The following NIBAN1 variants were observed in gnomAD, a reference collection of about 807,000 sequenced individuals.
NIBAN1 encodes protein Niban 1.
In NIBAN1, 81 loss-of-function variants were observed where a neutral mutation model predicts 75.1. The observed-to-expected ratio is 1.08, with a 90% CI of 0.90 to 1.30. NIBAN1 has a LOEUF of 1.30. NIBAN1 is among the 50% of genes most tolerant of loss of function. The pLI is 0.00. For missense variants in NIBAN1, 1,133 were observed against 1,128.1 expected, an observed-to-expected ratio of 1.00 and a Z score of -0.06; for synonymous variants, 436 against 424.8, an observed-to-expected ratio of 1.03 and a Z score of -0.32.
chr1:184,921,689 G>A (rs1657559312), intron 1 of NIBAN1, among the ~76,000 whole-genome samples: 1 of 152,178 alleles, frequency 6.6e-6, no homozygotes, highest in Admixed American at 6.5e-5. Context: ...CAAGGCAAAT[G>A]GGTGGCCATC....
chr1:184,839,817 GA>G (rs1655236416), intron 5 of NIBAN1, among the ~76,000 whole-genome samples: 1 of 151,964 alleles, frequency 6.6e-6, no homozygotes, highest in Non-Finnish European at 1.5e-5. Context: ...GGCTGGTCTC[GA>G]ACTCCTGACC....
At chr1:184,910,747 T>C (rs891528979) in intron 1 of NIBAN1, among the ~76,000 whole-genome samples, 1 of 152,110 alleles carries the variant, frequency 6.6e-6, no homozygotes, top group Admixed American at 6.6e-5. Context: ...CAGGAAGAGA[T>C]TAACTTTTGA....
At chr1:184,926,301 A>T (rs1330517210) in intron 1 of NIBAN1, among the ~76,000 whole-genome samples, 1 of 152,080 alleles carries the variant, frequency 6.6e-6, no homozygotes, top group Non-Finnish European at 1.5e-5. Context: ...GCAGTGGTGC[A>T]ATCTCTGCTC....
intron 12 of NIBAN1, among the ~76,000 whole-genome samples, chr1:184,798,738 A>G (rs1304171432): frequency 6.6e-6 from 1 of 152,128 alleles, no homozygotes; most frequent in Non-Finnish European, 1.5e-5. Flanking sequence ...GAACATTTCC[A>G]TCACCCCCAA....
chr1:184,842,379 T>C (rs548037456), intron 5 of NIBAN1, among the ~76,000 whole-genome samples: 10 of 152,332 alleles, frequency 6.6e-5, no homozygotes, highest in African/African-American at 2.4e-4. Flanking sequence ...CCCGAGGTGA[T>C]GCTGATGCTA....
intron 8 of NIBAN1, among the ~76,000 whole-genome samples, chr1:184,820,762 T>G (rs1379474070): frequency 1.3e-5 from 2 of 152,250 alleles, no homozygotes; most frequent in African/African-American, 2.4e-5. Context: ...CAACTAGCTC[T>G]GGAATCTCAG....
At chr1:184,937,255 T>C (rs772875119) in intron 1 of NIBAN1, among the ~76,000 whole-genome samples, 1 of 150,858 alleles carries the variant, frequency 6.6e-6, no homozygotes, top group Non-Finnish European at 1.5e-5. Flanking sequence ...CTTTAACTTC[T>C]GGGTTCAAGC....
rs144917526 is a variant in NIBAN1, at chr1:184,962,636, C to G, written c.55+11666G>C. Reference sequence around the variant, plus strand: ...AAGAAACAGGATGAACCTAAAACATCTTGACATACCAGATGGCAAGGAAGC... The same window carrying G: ...AAGAAACAGGATGAACCTAAAACATGTTGACATACCAGATGGCAAGGAAGC... On this transcript the variant is annotated intron_variant, in intron 1 of 13. Coordinates refer to ENST00000367511, the MANE Select transcript of NIBAN1 (RefSeq NM_052966.4). Among the ~76,000 whole-genome samples the G allele has an allele frequency of 2.5e-3, 375 of 152,242 alleles. 3 individuals are homozygous for G. The highest frequency in any genetic ancestry group is 8.3e-3 in the African/African-American group (344 of 41,540).
At chr1:184,901,860 C>T (rs578129705) in intron 1 of NIBAN1, among the ~76,000 whole-genome samples, 5 of 152,184 alleles carry the variant, frequency 3.3e-5, no homozygotes, top group Non-Finnish European at 5.9e-5. Flanking sequence ...CACCAGGTAG[C>T]GCTTATAAAG....
chr1:184,872,422 T>C (rs928975743), intron 5 of NIBAN1, among the ~76,000 whole-genome samples: 1 of 151,970 alleles, frequency 6.6e-6, no homozygotes, highest in Admixed American at 6.6e-5. Context: ...AGTTAACAAG[T>C]AGGCTGGGCA....
intron 1 of NIBAN1, among the ~76,000 whole-genome samples, chr1:184,907,877 C>A (rs1015011340): frequency 2.0e-5 from 3 of 152,110 alleles, no homozygotes; most frequent in Non-Finnish European, 4.4e-5. Context: ...CTGTAGAAAT[C>A]CCACCTTGAG....
rs1379758233 is a variant in NIBAN1 at position 184,968,172 on chromosome 1, C to T, written c.55+6130G>A. 1.3e-3 allele frequency among the ~76,000 whole-genome samples: 12 copies of T among 8,944 alleles called. 2 individuals carry two copies. Among genetic ancestry groups the T allele is most frequent in the African/African-American group, 3.5e-3 (11 of 3,160 alleles). The allele number at this position is 8,944 out of a possible 152,430, so 5.9% of individuals were successfully genotyped here. On this transcript the variant is annotated intron_variant, in intron 1 of 13. Transcript: ENST00000367511. The stretch of plus-strand genomic sequence containing the variant: ...GAGCCGAGATTGCGCCACTGCAGTC[C>T]GCAGTCCGGCCTGGGCGACAGAGCG...
intron 8 of NIBAN1, among the ~76,000 whole-genome samples, chr1:184,819,041 T>C (rs879656817): frequency 2.0e-5 from 3 of 152,036 alleles, no homozygotes; most frequent in Admixed American, 2.0e-4. Flanking sequence ...ACCTATCCAC[T>C]CCCCAAGCTT....
chr1:184,922,931 A>T (rs1223251890), intron 1 of NIBAN1, among the ~76,000 whole-genome samples: 2 of 152,090 alleles, frequency 1.3e-5, no homozygotes, highest in African/African-American at 4.8e-5. Flanking sequence ...TTTCTTATAG[A>T]GTTGTTTAAG....
At chr1:184,911,747 T>C (rs969461180) in intron 1 of NIBAN1, among the ~76,000 whole-genome samples, 4 of 152,234 alleles carry the variant, frequency 2.6e-5, no homozygotes, top group Non-Finnish European at 4.4e-5. Flanking sequence ...TCCAACTTTA[T>C]ATGAGCCAAG....
chr1:184,831,782 C>T, intron 6 of NIBAN1, 65 bp downstream of exon 6: 3 of 1,134,136 alleles, frequency 2.6e-6, no homozygotes, highest in Non-Finnish European at 4.0e-6. Context: ...ATAAAATGAC[C>T]CTGACTTCGT....
At chr1:184,896,302 T>C (rs1280590617) in intron 2 of NIBAN1, among the ~76,000 whole-genome samples, 1 of 152,208 alleles carries the variant, frequency 6.6e-6, no homozygotes, top group Non-Finnish European at 1.5e-5. Flanking sequence ...ATTTCTCTGA[T>C]GATTGGTGAT....
chr1:184,809,594 G>T (rs1654309128), intron 9 of NIBAN1, among the ~76,000 whole-genome samples: 2 of 146,356 alleles, frequency 1.4e-5, no homozygotes, highest in African/African-American at 2.5e-5. Flanking sequence ...AATACATCAG[G>T]GTATATGTGT....
intron 5 of NIBAN1, among the ~76,000 whole-genome samples, chr1:184,872,712 T>TA (rs34664253): frequency 3.7e-4 from 52 of 139,742 alleles, no homozygotes; most frequent in African/African-American, 5.1e-4. Flanking sequence ...TGTATCAAAT[T>TA]AAAAAAAAAA....
Sources: gnomAD v4.1 joint callset for allele counts (sites outside exome capture counted in the v4.1 genomes callset) on GRCh38, gnomAD v4.1.1 for gene constraint, MANE v1.5 for transcripts, NCBI Gene and HGNC (gene_info 2026-07-23, HGNC 2026-07-21) for gene names.